MARCO: variants seen among roughly 807,000 people sequenced by gnomAD.
MARCO encodes the protein macrophage receptor MARCO.
MARCO carries 72 observed loss-of-function variants against 70.0 expected under a neutral mutation model. The ratio of observed to expected loss-of-function variants is 1.03; its 90% confidence interval spans 0.85 to 1.25. MARCO has a LOEUF of 1.25. Ranked by LOEUF, MARCO falls within the 50% of genes most tolerant of loss-of-function variation. The pLI is 0.00. For synonymous variants in MARCO, 273 were observed against 243.1 expected (o/e 1.12, Z -1.14); for missense variants, 696 against 659.3 (o/e 1.06, Z -0.61).
Position 118,971,479 on chromosome 2 carries a change from T to C in MARCO, c.425-20T>C. The C allele has an allele frequency of 1.2e-6, 2 of 1,613,814 alleles. No homozygotes were observed. The highest frequency in any genetic ancestry group is 2.2e-5 in the East Asian group (1 of 44,860). On this transcript the variant is annotated intron_variant, in intron 3 of 16. Coordinates refer to ENST00000327097, the MANE Select transcript of MARCO (RefSeq NM_006770.4). ...GGGTACCCCACAGCTCAGCTGCAGC[T>C]CACTCTCCTTCCCTTGCAGGGATGT...
chr2:118,967,562 G>A (rs575036318), intron 1 of MARCO, among the ~76,000 whole-genome samples: 42 of 152,100 alleles, frequency 2.8e-4, no homozygotes, highest in African/African-American at 9.4e-4. Flanking sequence ...CAGAGGAGAC[G>A]GGGCACTCCA....
chr2:118,983,517 T>C (rs546152319), intron 12 of MARCO, among the ~76,000 whole-genome samples: 2 of 152,334 alleles, frequency 1.3e-5, no homozygotes, highest in African/African-American at 4.8e-5. Flanking sequence ...TTGTGTTTTT[T>C]ATGGACAGTG....
rs1680598804 is a variant in MARCO, at chr2:118,990,442, T to G, written c.1064-147T>G. 2.5e-5 allele frequency: 19 copies of G among 748,224 alleles called. No individual in the cohort carries two copies. In the South Asian group the frequency reaches 2.7e-4, roughly 11 times the overall value. The allele number at this position is 748,224 out of a possible 1,614,324, so 46.3% of individuals were successfully genotyped here. Reference sequence around the variant, plus strand: ...CAGACTGTCTCTTTTCATGATCTGCTGAAGAGGCTTTAAACAATCGTGGAG... The same window carrying G: ...CAGACTGTCTCTTTTCATGATCTGCGGAAGAGGCTTTAAACAATCGTGGAG... On this transcript the variant is annotated intron_variant, in intron 12 of 16. Transcript: ENST00000327097.
intron 1 of MARCO, among the ~76,000 whole-genome samples, chr2:118,950,836 C>T (rs991761673): frequency 4.6e-5 from 7 of 151,830 alleles, no homozygotes; most frequent in African/African-American, 1.7e-4. Flanking sequence ...CATTCTTTTC[C>T]AAAGTGAACT....
intron 1 of MARCO, among the ~76,000 whole-genome samples, chr2:118,966,857 G>A (rs760812825): frequency 2.6e-5 from 4 of 152,180 alleles, no homozygotes; most frequent in Non-Finnish European, 5.9e-5. Context: ...CCACCACCTC[G>A]TGTTAAATGT....
intron 1 of MARCO, among the ~76,000 whole-genome samples, chr2:118,951,535 C>A (rs909985269): frequency 2.0e-5 from 3 of 152,210 alleles, no homozygotes; most frequent in African/African-American, 4.8e-5. Flanking sequence ...CTTAGCAAAG[C>A]AGTTGCTGCT....
chr2:118,969,997 T>C (rs781518727), intron 2 of MARCO, 117 bp from the exon 3 acceptor site: 12 of 881,324 alleles, frequency 1.4e-5, no homozygotes, highest in Non-Finnish European at 2.0e-5. Flanking sequence ...TGACAGCACA[T>C]GGAATTTGTG....
intron 1 of MARCO, among the ~76,000 whole-genome samples, chr2:118,967,711 G>A (rs2104573946): frequency 6.6e-6 from 1 of 152,284 alleles, no homozygotes; most frequent in Non-Finnish European, 1.5e-5. Context: ...TGCTGTGCGG[G>A]GGTTGGAAGG....
At chr2:118,978,549 G>A (rs1294502950) in intron 8 of MARCO, among the ~76,000 whole-genome samples, 1 of 152,236 alleles carries the variant, frequency 6.6e-6, no homozygotes, top group Admixed American at 6.5e-5. Flanking sequence ...TCATTGGGGA[G>A]GCTCTGCAGT....
chr2:118,954,064 C>T (rs987521369), intron 1 of MARCO, among the ~76,000 whole-genome samples: 3 of 152,200 alleles, frequency 2.0e-5, no homozygotes, highest in Non-Finnish European at 2.9e-5. Context: ...GAGAAGCCTC[C>T]TGACCAGAAC....
intron 2 of MARCO, 66 bp from the exon 3 acceptor site, chr2:118,970,048 A>G: frequency 7.4e-7 from 1 of 1,359,702 alleles, no homozygotes; most frequent in Non-Finnish European, 1.0e-6. Context: ...CACACATGAC[A>G]CAAGAATGTC....
At position 118,986,705 on chromosome 2, in the gene MARCO, GAAAGAAAGAAAGAAAGAAAAGAAA is replaced by G. The variant is rs1558671949; in HGVS notation, c.1064-3883_1064-3860del. 8.8e-4 allele frequency among the ~76,000 whole-genome samples: 71 copies of G among 80,670 alleles called. 8 individuals are homozygous for G. Among genetic ancestry groups the G allele is most frequent in the African/African-American group, 3.4e-3 (64 of 18,978 alleles). 52.9% of individuals were successfully genotyped at this position (80,670 alleles called of 152,430 possible). ...AGAAAGAAAGAAAGAAAGAAAGAAA[GAAAGAAAGAAAGAAAGAAAAGAAA>G]GAAAGAAAGAGAAAGAAAGAGAAAG... is the stretch of plus-strand genomic sequence containing the variant. On this transcript the variant is annotated intron_variant, in intron 12 of 16. Coordinates refer to ENST00000327097, the MANE Select transcript of MARCO (RefSeq NM_006770.4).
chr2:118,957,888 A>C (rs770286368), intron 1 of MARCO, among the ~76,000 whole-genome samples: 1 of 152,154 alleles, frequency 6.6e-6, no homozygotes, highest in African/African-American at 2.4e-5. Flanking sequence ...AAACAGAATT[A>C]AAAACAAAAA....
At chr2:118,975,926 C>T (rs1680273976) in intron 6 of MARCO, among the ~76,000 whole-genome samples, 1 of 152,206 alleles carries the variant, frequency 6.6e-6, no homozygotes, top group African/African-American at 2.4e-5. Context: ...CATGCACACA[C>T]ACTCACACTC....
intron 1 of MARCO, among the ~76,000 whole-genome samples, chr2:118,954,812 G>C (rs1679797282): frequency 6.6e-6 from 1 of 152,130 alleles, no homozygotes; most frequent in South Asian, 2.1e-4. Context: ...ACCCAGAAGA[G>C]AGACAAAAAT....
chr2:118,988,811 C>T (rs1680562682), intron 12 of MARCO, among the ~76,000 whole-genome samples: 1 of 152,042 alleles, frequency 6.6e-6, no homozygotes, highest in Non-Finnish European at 1.5e-5. Flanking sequence ...AATCCTGGTG[C>T]TCATGTGTGG....
At chr2:118,955,376 T>C (rs974468052) in intron 1 of MARCO, among the ~76,000 whole-genome samples, 3 of 152,058 alleles carry the variant, frequency 2.0e-5, no homozygotes, top group Non-Finnish European at 4.4e-5. Context: ...GACAAGGTCT[T>C]TGAATTAACC....
At chr2:118,963,957 A>T (rs990754987) in intron 1 of MARCO, among the ~76,000 whole-genome samples, 1 of 151,702 alleles carries the variant, frequency 6.6e-6, no homozygotes, top group African/African-American at 2.4e-5. Flanking sequence ...CTTCCTGTGG[A>T]TTATTTGAAT....
At chr2:118,970,379 G>A in intron 3 of MARCO, 41 bp downstream of exon 3, 1 of 1,462,568 alleles carries the variant, frequency 6.8e-7, no homozygotes, top group African/African-American at 1.4e-5. Context: ...TCTCAACAGA[G>A]GTCTGGGAGA....
Sources: allele counts gnomAD v4.1 joint callset (sites outside exome capture counted in the v4.1 genomes callset), GRCh38; gene constraint gnomAD v4.1.1; transcripts MANE v1.5; gene names NCBI Gene and HGNC (gene_info 2026-07-23, HGNC 2026-07-21).